SEMA5A: variants seen among roughly 807,000 people sequenced by gnomAD.
SEMA5A encodes semaphorin-5A.
SEMA5A carries 55 observed loss-of-function variants against 135.5 expected under a neutral mutation model. The observed-to-expected ratio is 0.41, with a 90% confidence interval of 0.33 to 0.51. SEMA5A has a LOEUF of 0.51. Ranked by LOEUF, SEMA5A falls within the 20% of genes least tolerant of loss-of-function variation. The pLI, the probability that SEMA5A is intolerant of heterozygous loss-of-function variation, is 0.37. For missense variants in SEMA5A, 1,290 were observed against 1,419.9 expected (o/e 0.91, Z 1.47); for synonymous variants, 580 against 546.5 (o/e 1.06, Z -0.85).
At chr5:9,237,594 A>T (rs1747979020) in intron 6 of SEMA5A, 3 of 360,486 alleles carry the variant, frequency 8.3e-6, no homozygotes, top group Non-Finnish European at 1.5e-5. Context: ...CAGAAAGGGC[A>T]AATTAGCTCT....
intron 12 of SEMA5A, among the ~76,000 whole-genome samples, chr5:9,148,534 G>C (rs1742462314): frequency 6.6e-6 from 1 of 152,172 alleles, no homozygotes; most frequent in South Asian, 2.1e-4. Flanking sequence ...CTATGTCCCA[G>C]GAAGGCTGTC....
chr5:9,199,438 A>G (rs1035957367), intron 9 of SEMA5A, among the ~76,000 whole-genome samples: 31 of 152,068 alleles, frequency 2.0e-4, no homozygotes, highest in Admixed American at 6.5e-5. Context: ...TCTTCCTAGG[A>G]TGGGATTGTC....
intron 6 of SEMA5A, among the ~76,000 whole-genome samples, chr5:9,229,584 G>A (rs1747505070): frequency 6.6e-6 from 1 of 152,156 alleles, no homozygotes; most frequent in East Asian, 1.9e-4. Context: ...CTTAATGGAT[G>A]ACACAGACAT....
At chr5:9,536,930 C>T (rs555133034) in intron 1 of SEMA5A, among the ~76,000 whole-genome samples, 7 of 152,280 alleles carry the variant, frequency 4.6e-5, no homozygotes, top group African/African-American at 1.7e-4. Context: ...TGGACATGGG[C>T]ACCCTGCCAG....
At position 9,119,092 on chromosome 5, in the gene SEMA5A, A is replaced by T. The variant is rs1317186844; in HGVS notation, c.1831T>A (p.Cys611Ser). 3 of 1,613,854 alleles carry T rather than the reference A, an allele frequency of 1.9e-6. No individual in the cohort carries two copies. Among genetic ancestry groups the T allele is most frequent in the Non-Finnish European group, 1.7e-6 (2 of 1,179,950 alleles). ...WTSWSPCSTT[C>S]GIGFQVRQRS... ...TGCCGCACCTGGAAGCCGATCCCAC[A>T]GGTAGTGCTGCAGGGAGACCACGAG... is the stretch of plus-strand genomic sequence containing the variant. Residue 611 changes from cysteine to serine, a missense_variant, in exon 15 of 23, where the codon TGT becomes AGT. Coordinates refer to ENST00000382496, the MANE Select transcript of SEMA5A (RefSeq NM_003966.3).
intron 5 of SEMA5A, chr5:9,265,512 G>C (rs1465725977): frequency 2.2e-6 from 1 of 456,432 alleles, no homozygotes; most frequent in East Asian, 7.0e-5. Context: ...ATGTGGCTTT[G>C]TGTGGTGTGT....
rs79942530 is a variant in SEMA5A at position 9,101,348 on chromosome 5, T to C, written c.2073+6792A>G. On this transcript the variant is annotated intron_variant, in intron 16 of 22. Transcript: ENST00000382496. ...GGCAACCTTCCTACAACCTGGACCA[T>C]CTCGCTTCTTTGCTCCAATTTCTAC... Among the ~76,000 whole-genome samples, 840 of 152,284 alleles carry C rather than the reference T, an allele frequency of 5.5e-3. 11 individuals carry two copies. The highest frequency in any genetic ancestry group is 0.017 in the African/African-American group (720 of 41,562).
intron 18 of SEMA5A, among the ~76,000 whole-genome samples, chr5:9,061,250 G>A (rs1426328952): frequency 6.6e-6 from 1 of 152,132 alleles, no homozygotes; most frequent in Admixed American, 6.5e-5. Context: ...CCTGTAAACA[G>A]TGCACAGTCG....
At chr5:9,232,204 A>G (rs1411940058) in intron 6 of SEMA5A, among the ~76,000 whole-genome samples, 4 of 152,064 alleles carry the variant, frequency 2.6e-5, no homozygotes, top group Non-Finnish European at 2.9e-5. Flanking sequence ...TTAAACAGGT[A>G]TGTTCTGTGG....
chr5:9,395,550 A>T (rs987605026), intron 2 of SEMA5A, among the ~76,000 whole-genome samples: 1 of 152,236 alleles, frequency 6.6e-6, no homozygotes, highest in Admixed American at 6.5e-5. Context: ...CAGCTGCATC[A>T]GATAAACTAT....
chr5:9,302,559 T>C (rs1751661727), intron 5 of SEMA5A, among the ~76,000 whole-genome samples: 1 of 152,226 alleles, frequency 6.6e-6, no homozygotes, highest in East Asian at 1.9e-4. Context: ...TTCATTATGC[T>C]CATGAACCTG....
chr5:9,075,431 C>G (rs1335358865), intron 16 of SEMA5A, among the ~76,000 whole-genome samples: 1 of 152,028 alleles, frequency 6.6e-6, no homozygotes, highest in Non-Finnish European at 1.5e-5. Flanking sequence ...ACTCATATGG[C>G]CATCAGCAGA....
chr5:9,288,208 A>G (rs191165760), intron 5 of SEMA5A, among the ~76,000 whole-genome samples: 2 of 152,346 alleles, frequency 1.3e-5, no homozygotes, highest in Admixed American at 6.5e-5. Flanking sequence ...TGACAAGACA[A>G]CTATCAACAA....
chr5:9,265,475 G>C, intron 5 of SEMA5A: 2 of 456,362 alleles, frequency 4.4e-6, no homozygotes, highest in Non-Finnish European at 8.8e-6. Context: ...GCCCTGTGAT[G>C]TTCAACTCTT....
chr5:9,324,107 C>T (rs549290853), intron 4 of SEMA5A, among the ~76,000 whole-genome samples: 9 of 151,958 alleles, frequency 5.9e-5, no homozygotes, highest in Admixed American at 1.3e-4. Flanking sequence ...CTCGCTCTTC[C>T]GCCCAGGCCA....
chr5:9,262,799 T>C (rs374470129), intron 5 of SEMA5A, among the ~76,000 whole-genome samples: 7,865 of 112,306 alleles, frequency 0.07, 322 homozygotes, highest in Middle Eastern at 0.21. Context: ...TAATGCTAGA[T>C]GACACGTTAG....
chr5:9,164,959 T>TA (rs1233460630), intron 11 of SEMA5A, among the ~76,000 whole-genome samples: 3 of 151,784 alleles, frequency 2.0e-5, no homozygotes, highest in African/African-American at 7.3e-5. Flanking sequence ...TCACAACGAG[T>TA]AAAAACAGTG....
At chr5:9,527,082 G>C (rs920146169) in intron 1 of SEMA5A, among the ~76,000 whole-genome samples, 1 of 152,034 alleles carries the variant, frequency 6.6e-6, no homozygotes, top group African/African-American at 2.4e-5. Flanking sequence ...AAACACAAGG[G>C]ATAGTGCAGC....
chr5:9,162,382 A>G lies in SEMA5A; in HGVS notation c.1274-7687T>C, dbSNP rs72643789. ...TATATAGCATGATGTTCAAACAAAC[A>G]TGTGTGTGTGTGTGTGTGTGTGTAT... On this transcript the variant is annotated intron_variant, in intron 11 of 22. Transcript: ENST00000382496. Among the ~76,000 whole-genome samples the G allele has an allele frequency of 6.1e-4, 79 of 129,020 alleles. 1 individual carries two copies. Among genetic ancestry groups the G allele is most frequent in the African/African-American group, 1.9e-3 (52 of 27,830 alleles). The allele number at this position is 129,020 out of a possible 152,430, so 84.6% of individuals were successfully genotyped here. A position where few individuals can be genotyped will look rare whatever the true frequency, so the allele number is the denominator to read the frequency against.
Sources: gnomAD v4.1 joint callset for allele counts (sites outside exome capture counted in the v4.1 genomes callset) on GRCh38, gnomAD v4.1.1 for gene constraint, MANE v1.5 for transcripts, NCBI Gene and HGNC (gene_info 2026-07-23, HGNC 2026-07-21) for gene names.